The following KCNH5 variants were observed in gnomAD, a reference collection of about 807,000 sequenced individuals.
The protein encoded by KCNH5 is voltage-gated delayed rectifier potassium channel KCNH5.
In KCNH5, 46 loss-of-function variants were observed where a neutral mutation model predicts 96.1. The ratio of observed to expected loss-of-function variants is 0.48; its 90% CI spans 0.38 to 0.61. The LOEUF is 0.61. KCNH5 is among the 20% of genes least tolerant of loss of function. The probability of loss-of-function intolerance (pLI) is 0.00; values close to 1 mark genes in which losing one functional copy is unlikely to be tolerated. For synonymous variants in KCNH5, 439 were observed against 449.8 expected (o/e 0.98, Z 0.30); for missense variants, 907 against 1,225.8 (o/e 0.74, Z 3.88).
chr14:63,034,854 A>C (rs1891692934), intron 1 of KCNH5, among the ~76,000 whole-genome samples: 1 of 152,222 alleles, frequency 6.6e-6, no homozygotes, highest in Non-Finnish European at 1.5e-5. Context: ...AGATTTCTCC[A>C]CAAAATGTTT....
At chr14:62,814,634 T>G (rs1405574152) in intron 8 of KCNH5, among the ~76,000 whole-genome samples, 1 of 151,114 alleles carries the variant, frequency 6.6e-6, no homozygotes, top group African/African-American at 2.4e-5. Context: ...AATACAAAAA[T>G]TAGCCGGGTG....
chr14:62,738,687 T>C (rs1385711938), intron 10 of KCNH5, among the ~76,000 whole-genome samples: 2 of 152,118 alleles, frequency 1.3e-5, no homozygotes, highest in African/African-American at 4.8e-5. Context: ...TCGATATTCA[T>C]CAAACAGTTA....
intron 10 of KCNH5, among the ~76,000 whole-genome samples, chr14:62,758,143 C>CAAAAAAAAAAAA (rs57935686): frequency 9.6e-6 from 1 of 104,130 alleles, no homozygotes. Flanking sequence ...GACTCCATCT[C>CAAAAAAAAAAAA]AAAAAAAAAA....
chr14:62,789,348 G>A (rs540572715), intron 9 of KCNH5, among the ~76,000 whole-genome samples: 498 of 152,018 alleles, frequency 3.3e-3, no homozygotes, highest in Admixed American at 3.7e-3. Flanking sequence ...TACTTAGGTC[G>A]TTTCCATATC....
chr14:63,000,719 G>A (rs1455562794), intron 4 of KCNH5, among the ~76,000 whole-genome samples: 7 of 152,134 alleles, frequency 4.6e-5, no homozygotes, highest in Admixed American at 2.0e-4. Context: ...CAATTGTTAC[G>A]TTTTGGCTCT....
intron 8 of KCNH5, among the ~76,000 whole-genome samples, chr14:62,802,920 T>C (rs750221442): frequency 3.3e-5 from 5 of 152,114 alleles, no homozygotes; most frequent in Non-Finnish European, 4.4e-5. Flanking sequence ...GGCGGGTAGA[T>C]CACTTGAGCT....
intron 4 of KCNH5, among the ~76,000 whole-genome samples, chr14:62,999,088 C>T (rs1168090960): frequency 6.6e-6 from 1 of 152,148 alleles, no homozygotes; most frequent in African/African-American, 2.4e-5. Flanking sequence ...ATTTCTAGTT[C>T]TAGATCCCGG....
At chr14:62,995,393 T>C (rs1349339229) in intron 4 of KCNH5, among the ~76,000 whole-genome samples, 1 of 152,118 alleles carries the variant, frequency 6.6e-6, no homozygotes, top group South Asian at 2.1e-4. Context: ...CAATGAAGTA[T>C]TTCTTCAAAA....
chr14:62,957,622 A>C (rs1890129354), intron 6 of KCNH5, among the ~76,000 whole-genome samples: 1 of 152,174 alleles, frequency 6.6e-6, no homozygotes, highest in Non-Finnish European at 1.5e-5. Flanking sequence ...TGGCCAACAG[A>C]ATGTGATATA....
rs201625724 is a variant in KCNH5 at position 62,825,407 on chromosome 14, A to AT, written c.1570-22827dup. Among the ~76,000 whole-genome samples, 549 of 150,424 alleles carry AT rather than the reference A, an allele frequency of 3.6e-3. 3 individuals are homozygous for AT. Among genetic ancestry groups the AT allele is most frequent in the African/African-American group, 0.011 (458 of 41,040 alleles). On this transcript the variant is annotated intron_variant, in intron 8 of 10. Coordinates refer to ENST00000322893, the MANE Select transcript of KCNH5 (RefSeq NM_139318.5). ...AAGGGATGTGGAGTATTTTTTTCAT[A>AT]TTTTTTTTTGACCACTTGTATGCCT... is the stretch of plus-strand genomic sequence containing the variant.
At chr14:63,029,725 A>G (rs929221560) in intron 1 of KCNH5, among the ~76,000 whole-genome samples, 4 of 152,264 alleles carry the variant, frequency 2.6e-5, no homozygotes, top group Admixed American at 1.3e-4. Flanking sequence ...ATTGCTGAAT[A>G]TTAACAATCC....
At chr14:62,847,833 T>C (rs1887729327) in intron 8 of KCNH5, among the ~76,000 whole-genome samples, 1 of 152,218 alleles carries the variant, frequency 6.6e-6, no homozygotes, top group Middle Eastern at 3.2e-3. Context: ...AGGCAGTCCA[T>C]GGTAGGTACC....
At chr14:62,838,033 CAAGGGTTA>C in intron 8 of KCNH5, among the ~76,000 whole-genome samples, 1 of 152,240 alleles carries the variant, frequency 6.6e-6, no homozygotes, top group African/African-American at 2.4e-5. Flanking sequence ...AAGTTTGATA[CAAGGGTTA>C]CAATATTAAA....
chr14:63,023,616 T>C (rs1321182744), intron 1 of KCNH5, among the ~76,000 whole-genome samples: 1 of 152,114 alleles, frequency 6.6e-6, no homozygotes, highest in Non-Finnish European at 1.5e-5. Flanking sequence ...CTGACAGATA[T>C]AGATATATAA....
intron 10 of KCNH5, among the ~76,000 whole-genome samples, chr14:62,753,760 A>G (rs978746342): frequency 6.6e-6 from 1 of 152,172 alleles, no homozygotes; most frequent in Admixed American, 6.5e-5. Flanking sequence ...TCCTTCAAAC[A>G]TACAGGAAAG....
At chr14:62,941,204 C>T (rs1286502879) in intron 7 of KCNH5, among the ~76,000 whole-genome samples, 1 of 152,156 alleles carries the variant, frequency 6.6e-6, no homozygotes, top group African/African-American at 2.4e-5. Flanking sequence ...CCTTGTAAAA[C>T]GTTCAGGCTA....
rs556029510 is a variant in KCNH5, at chr14:62,736,180, C to T, written c.2020-27725G>A. Among the ~76,000 whole-genome samples the T allele has an allele frequency of 4.6e-5, 7 of 152,282 alleles. No homozygotes were observed. The South Asian group carries it at 1.4e-3, about 32-fold the overall frequency. Reference sequence around the variant, plus strand: ...CACTGGTCTCTTCTCCTATTCTACACTTCTGCATCATCTCCACCCCCACCT... The same window carrying T: ...CACTGGTCTCTTCTCCTATTCTACATTTCTGCATCATCTCCACCCCCACCT... On this transcript the variant is annotated intron_variant, in intron 10 of 10. Transcript: ENST00000322893.
At chr14:62,928,290 T>A (rs1950571) in intron 7 of KCNH5, among the ~76,000 whole-genome samples, 1 of 151,790 alleles carries the variant, frequency 6.6e-6, no homozygotes, top group Non-Finnish European at 1.5e-5. Flanking sequence ...TTTGGTGAGG[T>A]GCTGAAAAAG....
At chr14:63,024,318 G>GT in intron 1 of KCNH5, among the ~76,000 whole-genome samples, 2 of 150,136 alleles carry the variant, frequency 1.3e-5, no homozygotes, top group Non-Finnish European at 3.0e-5. Flanking sequence ...ATAGCAACAA[G>GT]TGCCTACATG....
Sources: gnomAD v4.1 joint callset for allele counts (sites outside exome capture counted in the v4.1 genomes callset) on GRCh38, gnomAD v4.1.1 for gene constraint, MANE v1.5 for transcripts, NCBI Gene and HGNC (gene_info 2026-07-23, HGNC 2026-07-21) for gene names.